Variants in RYR2 observed in about 807,000 individuals in gnomAD.
RYR2 encodes ryanodine receptor 2, also known as cardiac muscle ryanodine receptor-calcium release channel.
RYR2 carries 227 observed loss-of-function variants against 601.1 expected under a neutral mutation model. The observed-to-expected ratio is 0.38, with a 90% CI of 0.34 to 0.42. The LOEUF is 0.42. Among genes scored for constraint, RYR2 ranks in the 10% least tolerant of loss-of-function variants. RYR2 has a pLI of 1.00. For missense variants in RYR2, 4,646 were observed against 6,156.5 expected, an observed-to-expected ratio of 0.75 and a Z score of 8.21; for synonymous variants, 2,223 against 2,175.1, an observed-to-expected ratio of 1.02 and a Z score of -0.61.
At chr1:237,832,515 TG>T in intron 104 of RYR2, 36 bp from the exon 105 acceptor site, 1 of 1,391,820 alleles carries the variant, frequency 7.2e-7, no homozygotes. Flanking sequence ...GCACACACTT[TG>T]GGGAAAATGT....
At chr1:237,692,827 C>G (rs1292391588) in intron 63 of RYR2, among the ~76,000 whole-genome samples, 1 of 152,202 alleles carries the variant, frequency 6.6e-6, no homozygotes, top group Admixed American at 6.5e-5. Flanking sequence ...ATAATAGTCT[C>G]TGGTGCCGTG....
In RYR2 at chr1:237,788,100, T is replaced by C. The variant is rs1245824189; in HGVS notation, c.13441T>C (p.Trp4481Arg). ...GEPEVPESAFWKKIIAYQQKL... is the reference protein window; with the variant it reads ...GEPEVPESAFRKKIIAYQQKL... ...ACCAGAAGTGCCAGAGTCAGCATTC[T>C]GGAAGAAAATCATAGCATATCAACA... Residue 4481 changes from tryptophan to arginine, a missense_variant, in exon 92 of 105, where the codon TGG becomes CGG. Around this residue, in one of 17 missense-constraint regions of RYR2, gnomAD observed 364 missense variants for 442.9 expected, o/e 0.82. Transcript: ENST00000366574. The C allele has an allele frequency of 1.2e-6, 2 of 1,611,904 alleles. No homozygotes were observed. Among genetic ancestry groups the C allele is most frequent in the Non-Finnish European group, 8.5e-7 (1 of 1,178,990 alleles).
At chr1:237,697,564 G>C (rs934065722) in intron 63 of RYR2, among the ~76,000 whole-genome samples, 1 of 143,888 alleles carries the variant, frequency 6.9e-6, no homozygotes, top group Non-Finnish European at 1.5e-5. Flanking sequence ...ACTGTGGCCT[G>C]CTATTATGTT....
chr1:237,711,708 A>G (rs1688859340), intron 70 of RYR2, 37 bp from the exon 71 acceptor site: 3 of 1,056,404 alleles, frequency 2.8e-6, no homozygotes, highest in Non-Finnish European at 2.9e-6. Flanking sequence ...GACTTCTTTA[A>G]GTGGTTTTAA....
intron 19 of RYR2, among the ~76,000 whole-genome samples, chr1:237,495,562 A>G (rs189046310): frequency 1.3e-5 from 2 of 152,320 alleles, no homozygotes; most frequent in Non-Finnish European, 2.9e-5. Flanking sequence ...ATGATTCTTT[A>G]TATAACAGAC....
chr1:237,700,325 C>T lies in RYR2; in HGVS notation c.9225C>T (p.Leu3075=). The part of the protein sequence containing the change: ...AEDLEKTMEN[L]KQGQFTHTRN... ...ATCTGGAGAAGACCATGGAAAACCT[C>T]AAGCAGGGCCAGTTCACTCACACCC... The change falls in exon 65 of 105, where the codon CTC becomes CTT. Residue 3075 remains leucine, a synonymous_variant. Transcript: ENST00000366574. 1 of 1,596,456 alleles carries T rather than the reference C, an allele frequency of 6.3e-7. No homozygotes were observed. Among genetic ancestry groups the T allele is most frequent in the Non-Finnish European group, 8.5e-7 (1 of 1,170,796 alleles).
intron 2 of RYR2, among the ~76,000 whole-genome samples, chr1:237,288,661 G>GT (rs1553382606): frequency 2.0e-5 from 3 of 152,062 alleles, no homozygotes; most frequent in South Asian, 2.1e-4. Flanking sequence ...CTCCCACTGT[G>GT]CCCCCCAACA....
At chr1:237,793,745 T>G (rs1658740255) in intron 94 of RYR2, 122 bp from the exon 95 acceptor site, 2 of 758,518 alleles carry the variant, frequency 2.6e-6, no homozygotes, top group South Asian at 3.6e-5. Context: ...TTCATTCCAT[T>G]TTTACCTTCC....
chr1:237,622,729 G>A (rs1679203299), intron 38 of RYR2, among the ~76,000 whole-genome samples: 2 of 152,066 alleles, frequency 1.3e-5, no homozygotes, highest in African/African-American at 4.8e-5. Context: ...CACTGCCTTG[G>A]GTATTATAAG....
chr1:237,127,543 C>T (rs1313028085), intron 1 of RYR2, among the ~76,000 whole-genome samples: 23 of 150,248 alleles, frequency 1.5e-4, no homozygotes, highest in Admixed American at 9.9e-4. Context: ...CCGGACGGGG[C>T]GGCTGGCCTG....
intron 84 of RYR2, among the ~76,000 whole-genome samples, chr1:237,762,779 G>A (rs1264634700): frequency 2.6e-5 from 4 of 152,150 alleles, no homozygotes; most frequent in Admixed American, 1.3e-4. Context: ...CGATTAACAC[G>A]TTTTGTATTA....
rs74719573 is a variant in RYR2 at position 237,761,560 on chromosome 1, C to T, written c.11476+532C>T. On this transcript the variant is annotated intron_variant, in intron 84 of 104. Coordinates refer to ENST00000366574, the MANE Select transcript of RYR2 (RefSeq NM_001035.3). The stretch of plus-strand genomic sequence containing the variant: ...AAGAAATTAGAGACCAGTTATTTCG[C>T]TTAAATAATTCTGTGCACAAAAGCA... Among the ~76,000 whole-genome samples, 1,262 of 152,252 alleles carry T rather than the reference C, an allele frequency of 8.3e-3. 94 individuals are homozygous for T. The East Asian group carries it at 0.17, about 21-fold the overall frequency.
chr1:237,208,962 A>ATATATATATATGTATATATATAT (rs1558427927), intron 1 of RYR2, among the ~76,000 whole-genome samples: 1 of 103,924 alleles, frequency 9.6e-6, no homozygotes, highest in Non-Finnish European at 2.1e-5. Flanking sequence ...ATATATATAT[A>ATATATATATATGTATATATATAT]TATATATATA....
intron 1 of RYR2, among the ~76,000 whole-genome samples, chr1:237,154,071 G>T (rs964242973): frequency 3.3e-5 from 5 of 152,138 alleles, no homozygotes; most frequent in Non-Finnish European, 7.4e-5. Flanking sequence ...TTGCAAGAGG[G>T]GCTCTGGGCT....
At chr1:237,648,232 G>T (rs922575309) in intron 48 of RYR2, among the ~76,000 whole-genome samples, 2 of 152,146 alleles carry the variant, frequency 1.3e-5, no homozygotes, top group Non-Finnish European at 2.9e-5. Context: ...TTAACAAGTG[G>T]ATGCCTATAT....
At chr1:237,205,713 A>C (rs6692782) in intron 1 of RYR2, among the ~76,000 whole-genome samples, 1 of 152,092 alleles carries the variant, frequency 6.6e-6, no homozygotes, top group Non-Finnish European at 1.5e-5. Context: ...CCCAAATCCA[A>C]TCTGTGCTCA....
At chr1:237,830,138 A>T in intron 102 of RYR2, 1 of 179,346 alleles carries the variant, frequency 5.6e-6, no homozygotes, top group Non-Finnish European at 1.2e-5. Context: ...TTGGGTGGGT[A>T]CTAAGTTTGT....
At chr1:237,386,160 G>A (rs1701940416) in intron 8 of RYR2, among the ~76,000 whole-genome samples, 2 of 152,150 alleles carry the variant, frequency 1.3e-5, no homozygotes, top group Admixed American at 1.3e-4. Flanking sequence ...CAAGTCTTAT[G>A]TATCAACTGG....
intron 2 of RYR2, among the ~76,000 whole-genome samples, chr1:237,318,387 A>G (rs1202347092): frequency 6.6e-6 from 1 of 152,124 alleles, no homozygotes; most frequent in Non-Finnish European, 1.5e-5. Flanking sequence ...TAAAGACGTT[A>G]AGAAATAAAA....
Sources: allele counts gnomAD v4.1 joint callset (sites outside exome capture counted in the v4.1 genomes callset), GRCh38; gene constraint gnomAD v4.1.1; regional missense constraint gnomAD v4.1.1; transcripts MANE v1.5; gene names NCBI Gene and HGNC (gene_info 2026-07-23, HGNC 2026-07-21).